Variants in SLC24A3 observed in about 807,000 individuals in gnomAD.
SLC24A3 encodes the protein solute carrier family 24 member 3.
SLC24A3 carries 28 observed loss-of-function variants against 75.8 expected under a neutral mutation model. That is an observed-to-expected ratio of 0.37 (90% CI 0.27 to 0.51). The LOEUF (loss-of-function observed/expected upper bound fraction) is 0.51. Ranked by LOEUF, SLC24A3 falls within the 20% of genes least tolerant of loss-of-function variation. The pLI, the probability that SLC24A3 is intolerant of heterozygous loss-of-function variation, is 0.94. For missense variants in SLC24A3, 663 were observed against 847.8 expected, an observed-to-expected ratio of 0.78 and a Z score of 2.71; for synonymous variants, 372 against 334.1, an observed-to-expected ratio of 1.11 and a Z score of -1.24.
intron 2 of SLC24A3, among the ~76,000 whole-genome samples, chr20:19,417,723 A>G (rs949766923): frequency 6.6e-6 from 1 of 152,198 alleles, no homozygotes; most frequent in Non-Finnish European, 1.5e-5. Flanking sequence ...TGCACCCCAA[A>G]CCTAGCAGAA....
At chr20:19,246,825 C>T (rs1050851101) in intron 1 of SLC24A3, among the ~76,000 whole-genome samples, 1 of 152,174 alleles carries the variant, frequency 6.6e-6, no homozygotes, top group Non-Finnish European at 1.5e-5. Flanking sequence ...CTGTCTGTCT[C>T]TATCTCTATC....
intron 3 of SLC24A3, among the ~76,000 whole-genome samples, chr20:19,538,833 A>C (rs1043853099): frequency 2.0e-5 from 3 of 152,256 alleles, no homozygotes; most frequent in Non-Finnish European, 2.9e-5. Context: ...AGCACTGTTC[A>C]TGCCAAGCAC....
chr20:19,488,902 C>A lies in SLC24A3; in HGVS notation c.272-26586C>A, dbSNP rs540390652. On this transcript the variant is annotated intron_variant, in intron 2 of 16. Transcript: ENST00000328041. ...CAAAAGTGTCACTGTCTCAGCCCAC[C>A]AATGTGGCATTATGTCACTGATCCA... Among the ~76,000 whole-genome samples, 9 of 152,280 alleles carry A rather than the reference C, an allele frequency of 5.9e-5. No individual in the cohort carries two copies. The South Asian group carries it at 6.2e-4, about 11-fold the overall frequency.
At chr20:19,628,375 T>C (rs961454416) in intron 6 of SLC24A3, among the ~76,000 whole-genome samples, 1 of 151,942 alleles carries the variant, frequency 6.6e-6, no homozygotes, top group African/African-American at 2.4e-5. Context: ...TTAACAACAA[T>C]GTATAAACCA....
intron 15 of SLC24A3, among the ~76,000 whole-genome samples, chr20:19,704,943 C>A (rs2032913010): frequency 6.6e-6 from 1 of 152,136 alleles, no homozygotes; most frequent in African/African-American, 2.4e-5. Flanking sequence ...GCGGTTAAAT[C>A]ACACAGCCAG....
intron 10 of SLC24A3, among the ~76,000 whole-genome samples, chr20:19,683,228 C>A (rs923253200): frequency 2.6e-5 from 4 of 152,126 alleles, no homozygotes; most frequent in Non-Finnish European, 4.4e-5. Flanking sequence ...TATTTAGTTT[C>A]TTCTCTTCTG....
rs144780543 is a variant in SLC24A3 at position 19,649,118 on chromosome 20, T to C, written c.613-4944T>C. On this transcript the variant is annotated intron_variant, in intron 6 of 16. Coordinates refer to ENST00000328041, the MANE Select transcript of SLC24A3 (RefSeq NM_020689.4). Reference sequence around the variant, plus strand: ...GGGCTACAGAAGGTGACCTGTCTTCTCATCAACCTACTGTGGCTTGGGGGA... The same window carrying C: ...GGGCTACAGAAGGTGACCTGTCTTCCCATCAACCTACTGTGGCTTGGGGGA... 3.6e-3 allele frequency among the ~76,000 whole-genome samples: 551 copies of C among 152,334 alleles called. 4 individuals carry two copies. Among genetic ancestry groups the C allele is most frequent in the African/African-American group, 0.013 (529 of 41,580 alleles).
chr20:19,515,490 C>A lies in SLC24A3; in HGVS notation c.274C>A (p.Leu92Met). The A allele has an allele frequency of 6.2e-7, 1 of 1,614,158 alleles. No homozygotes were observed. The highest frequency in any genetic ancestry group is 8.5e-7 in the Non-Finnish European group (1 of 1,179,994). The change falls in exon 3 of 17, where the codon CTG becomes ATG. Residue 92 changes from leucine (L) to methionine (M), a missense_variant and splice_region_variant. Coordinates refer to ENST00000328041, the MANE Select transcript of SLC24A3 (RefSeq NM_020689.4). ...GGTTTTCTTTCTCTGTTCTTTAGCC[C>A]TGCATGAATTCCCCAATGACATCTT... is the stretch of plus-strand genomic sequence containing the variant. ...RNSKNCTEPALHEFPNDIFTN... is the reference protein window; with the variant it reads ...RNSKNCTEPAMHEFPNDIFTN...
chr20:19,600,502 T>C (rs1390063999), intron 6 of SLC24A3, among the ~76,000 whole-genome samples: 3 of 152,236 alleles, frequency 2.0e-5, no homozygotes, highest in African/African-American at 7.2e-5. Context: ...TGGATTTTAA[T>C]GAAGTGCTAC....
chr20:19,433,931 C>A (rs1987150543), intron 2 of SLC24A3, among the ~76,000 whole-genome samples: 1 of 152,112 alleles, frequency 6.6e-6, no homozygotes, highest in African/African-American at 2.4e-5. Context: ...GAGTGAGAGT[C>A]TAATAAAGGA....
chr20:19,215,611 C>T (rs533894173), intron 1 of SLC24A3, among the ~76,000 whole-genome samples: 30 of 152,286 alleles, frequency 2.0e-4, no homozygotes, highest in African/African-American at 7.0e-4. Context: ...CTCTCTCCTT[C>T]CTTCATTCTT....
At chr20:19,526,797 T>A (rs1002726619) in intron 3 of SLC24A3, among the ~76,000 whole-genome samples, 1 of 152,196 alleles carries the variant, frequency 6.6e-6, no homozygotes, top group African/African-American at 2.4e-5. Context: ...TCTATCTTGA[T>A]TTTTCTAAAA....
chr20:19,365,568 T>G (rs1985873652), intron 2 of SLC24A3, among the ~76,000 whole-genome samples: 1 of 152,230 alleles, frequency 6.6e-6, no homozygotes. Flanking sequence ...GATTTTTTTT[T>G]GAAGTTGCTA....
intron 3 of SLC24A3, among the ~76,000 whole-genome samples, chr20:19,527,301 A>G (rs1437627982): frequency 6.6e-5 from 10 of 152,142 alleles, no homozygotes; most frequent in Non-Finnish European, 1.2e-4. Flanking sequence ...ACTCATCTTT[A>G]TGTCCCCATC....
intron 2 of SLC24A3, among the ~76,000 whole-genome samples, chr20:19,453,506 G>A (rs532134251): frequency 3.3e-5 from 5 of 152,166 alleles, no homozygotes; most frequent in Non-Finnish European, 7.4e-5. Context: ...GAGTCTCTTG[G>A]GAGCCTGACC....
intron 3 of SLC24A3, among the ~76,000 whole-genome samples, chr20:19,530,877 G>A (rs2030285153): frequency 6.6e-6 from 1 of 152,176 alleles, no homozygotes; most frequent in African/African-American, 2.4e-5. Flanking sequence ...AGAGTAAACA[G>A]GTATGGCTCC....
chr20:19,309,285 CT>C (rs1287546727), intron 2 of SLC24A3, among the ~76,000 whole-genome samples: 1 of 152,226 alleles, frequency 6.6e-6, no homozygotes, highest in East Asian at 1.9e-4. Context: ...CCTAACTTCA[CT>C]GAATATGGGC....
intron 2 of SLC24A3, among the ~76,000 whole-genome samples, chr20:19,322,403 CTTCCTTCCTTCCTTCCTTCT>C (rs1984733423): frequency 6.9e-6 from 1 of 144,002 alleles, no homozygotes. Context: ...TCCTTCCTTC[CTTCCTTCCTTCCTTCCTTCT>C]TTCCTTACAT....
At chr20:19,397,048 A>G (rs911169814) in intron 2 of SLC24A3, among the ~76,000 whole-genome samples, 1 of 152,232 alleles carries the variant, frequency 6.6e-6, no homozygotes, top group African/African-American at 2.4e-5. Flanking sequence ...TATTGGAGGT[A>G]GCAAACACAT....
Sources: gnomAD v4.1 joint callset for allele counts (sites outside exome capture counted in the v4.1 genomes callset) on GRCh38, gnomAD v4.1.1 for gene constraint, MANE v1.5 for transcripts, NCBI Gene and HGNC (gene_info 2026-07-23, HGNC 2026-07-21) for gene names.